CACNA2D3: variants seen among roughly 807,000 people sequenced by gnomAD.
The protein encoded by CACNA2D3 is calcium voltage-gated channel auxiliary subunit alpha2delta 3, also known as voltage-dependent calcium channel subunit alpha-2/delta-3.
CACNA2D3 carries 60 observed loss-of-function variants against 160.6 expected under a neutral mutation model. The ratio of observed to expected loss-of-function variants is 0.37; its 90% CI spans 0.30 to 0.46. The LOEUF is 0.46. Ranked by LOEUF, CACNA2D3 falls within the 20% of genes least tolerant of loss-of-function variation. The pLI is 1.00. For synonymous variants in CACNA2D3, 558 were observed against 492.9 expected (o/e 1.13, Z -1.75); for missense variants, 1,205 against 1,365.0 (o/e 0.88, Z 1.85).
chr3:54,731,891 A>G (rs952085533), intron 11 of CACNA2D3, among the ~76,000 whole-genome samples: 6 of 152,124 alleles, frequency 3.9e-5, no homozygotes, highest in Non-Finnish European at 7.3e-5. Flanking sequence ...GATCAAAAGC[A>G]TCACCGTGTA....
intron 10 of CACNA2D3, among the ~76,000 whole-genome samples, chr3:54,630,073 C>T (rs1253249827): frequency 6.6e-6 from 1 of 152,054 alleles, no homozygotes. Flanking sequence ...AAGTGCGGAG[C>T]TTTCTTAGTG....
chr3:54,897,458 G>C (rs1198249402), intron 26 of CACNA2D3, among the ~76,000 whole-genome samples: 1 of 152,012 alleles, frequency 6.6e-6, no homozygotes, highest in Non-Finnish European at 1.5e-5. Context: ...ATTTCCACCA[G>C]TTTTGGAAGC....
chr3:54,221,991 G>C (rs1195524315), intron 2 of CACNA2D3, among the ~76,000 whole-genome samples: 2 of 152,134 alleles, frequency 1.3e-5, no homozygotes, highest in Admixed American at 6.5e-5. Flanking sequence ...TGGGATAACA[G>C]GTGTGAACCA....
At chr3:54,646,441 C>A (rs757412241) in intron 11 of CACNA2D3, among the ~76,000 whole-genome samples, 56 of 151,870 alleles carry the variant, frequency 3.7e-4, no homozygotes, top group Middle Eastern at 6.8e-3. Flanking sequence ...GTTGTTTGCC[C>A]CCATGTGTCC....
intron 17 of CACNA2D3, among the ~76,000 whole-genome samples, chr3:54,861,586 C>G (rs1374031339): frequency 6.6e-6 from 1 of 152,174 alleles, no homozygotes; most frequent in Non-Finnish European, 1.5e-5. Flanking sequence ...TGGCTGGACC[C>G]TGGAGAATGG....
intron 2 of CACNA2D3, among the ~76,000 whole-genome samples, chr3:54,295,767 A>G (rs1354335661): frequency 6.6e-6 from 1 of 152,224 alleles, no homozygotes; most frequent in Non-Finnish European, 1.5e-5. Flanking sequence ...CCTTGTCCAC[A>G]AAGAATTTCC....
intron 2 of CACNA2D3, among the ~76,000 whole-genome samples, chr3:54,252,530 G>T (rs1702213236): frequency 6.6e-6 from 1 of 152,150 alleles, no homozygotes; most frequent in Non-Finnish European, 1.5e-5. Flanking sequence ...ATGTCACTAG[G>T]ACTCAGCTGC....
chr3:54,837,009 T>C (rs527455707), intron 14 of CACNA2D3, 150 bp from the exon 15 acceptor site: 30 of 661,534 alleles, frequency 4.5e-5, no homozygotes, highest in African/African-American at 3.0e-4. Context: ...AGGACACACA[T>C]TGTGCTCCGC....
At position 54,260,508 on chromosome 3, in the gene CACNA2D3, A is replaced by G. The variant is rs74700266; in HGVS notation, c.205-59934A>G. On this transcript the variant is annotated intron_variant, in intron 2 of 37. Coordinates refer to ENST00000474759, the MANE Select transcript of CACNA2D3 (RefSeq NM_018398.3). ...CTTTTCTTATAAAGCCACCAGTCAT[A>G]TAATGAAGGTCCCGTCTTGATGACC... Among the ~76,000 whole-genome samples, 607 of 152,242 alleles carry G rather than the reference A, an allele frequency of 4.0e-3. 20 individuals are homozygous for G. The East Asian group carries it at 0.073, about 18-fold the overall frequency.
intron 34 of CACNA2D3, among the ~76,000 whole-genome samples, chr3:55,012,882 C>T (rs765529303): frequency 6.6e-6 from 1 of 152,122 alleles, no homozygotes; most frequent in Admixed American, 6.5e-5. Context: ...TTGAGAGATA[C>T]TTGTGAAGGC....
At chr3:54,416,019 A>C (rs1699748464) in intron 4 of CACNA2D3, among the ~76,000 whole-genome samples, 1 of 152,200 alleles carries the variant, frequency 6.6e-6, no homozygotes, top group African/African-American at 2.4e-5. Context: ...ACCCAAAAAA[A>C]CCCCTCTAAA....
intron 2 of CACNA2D3, among the ~76,000 whole-genome samples, chr3:54,286,883 A>C (rs1449848616): frequency 1.3e-5 from 2 of 152,164 alleles, no homozygotes; most frequent in East Asian, 1.9e-4. Context: ...ATGCTGAGAG[A>C]TTCTGTCACC....
chr3:54,285,323 C>T (rs530994348), intron 2 of CACNA2D3, among the ~76,000 whole-genome samples: 3 of 152,320 alleles, frequency 2.0e-5, no homozygotes, highest in African/African-American at 2.4e-5. Flanking sequence ...CACGAAGTCT[C>T]GCTGATAGCT....
intron 10 of CACNA2D3, chr3:54,638,297 A>C (rs1434737717): frequency 6.6e-6 from 1 of 151,982 alleles, no homozygotes; most frequent in Non-Finnish European, 1.5e-5. Context: ...TATTTGATGA[A>C]AAAGAGCCTA....
chr3:54,525,416 C>A (rs1014444178), intron 5 of CACNA2D3, among the ~76,000 whole-genome samples: 82 of 152,056 alleles, frequency 5.4e-4, no homozygotes, highest in African/African-American at 1.9e-3. Flanking sequence ...TTTTGGTGAT[C>A]TTGATTTTTG....
intron 2 of CACNA2D3, among the ~76,000 whole-genome samples, chr3:54,123,914 C>T (rs1699532403): frequency 6.6e-6 from 1 of 152,132 alleles, no homozygotes; most frequent in African/African-American, 2.4e-5. Flanking sequence ...AGATGCTCCT[C>T]GGGCCAAAAA....
At chr3:54,484,642 T>C (rs1700987513) in intron 4 of CACNA2D3, among the ~76,000 whole-genome samples, 1 of 152,176 alleles carries the variant, frequency 6.6e-6, no homozygotes, top group South Asian at 2.1e-4. Context: ...ATAATAATCA[T>C]GATAATGAGG....
At chr3:54,869,416 T>G (rs1266494382) in intron 17 of CACNA2D3, among the ~76,000 whole-genome samples, 1 of 152,114 alleles carries the variant, frequency 6.6e-6, no homozygotes, top group Non-Finnish European at 1.5e-5. Flanking sequence ...AGTGAAGCAC[T>G]GTTTAATTGA....
chr3:54,786,078 A>G (rs1232266988), intron 13 of CACNA2D3, among the ~76,000 whole-genome samples: 1 of 152,136 alleles, frequency 6.6e-6, no homozygotes, highest in East Asian at 1.9e-4. Context: ...TCAAGTTACA[A>G]ATCCCTTCCC....
Sources: allele counts gnomAD v4.1 joint callset (sites outside exome capture counted in the v4.1 genomes callset), GRCh38; gene constraint gnomAD v4.1.1; transcripts MANE v1.5; gene names NCBI Gene and HGNC (gene_info 2026-07-23, HGNC 2026-07-21).